The following LEF1 variants were observed in gnomAD, a reference collection of about 807,000 sequenced individuals.
The protein encoded by LEF1 is lymphoid enhancer-binding factor 1.
In LEF1, 14 loss-of-function variants were observed where a neutral mutation model predicts 51.2. That is an observed-to-expected ratio of 0.27 (90% CI 0.18 to 0.43). LEF1 has a LOEUF of 0.43. LEF1 is among the 20% of genes least tolerant of loss of function. LEF1 has a pLI of 1.00. For synonymous variants in LEF1, 185 were observed against 183.2 expected, an observed-to-expected ratio of 1.01 and a Z score of -0.08; for missense variants, 386 against 512.0, an observed-to-expected ratio of 0.75 and a Z score of 2.37.
intron 3 of LEF1, among the ~76,000 whole-genome samples, chr4:108,138,554 A>C (rs1419309212): frequency 6.6e-6 from 1 of 152,154 alleles, no homozygotes; most frequent in Admixed American, 6.5e-5. Flanking sequence ...CTTACCTAGC[A>C]TATACATTTC....
rs1358851792 is a variant in LEF1, at chr4:108,151,482, CT to C, written c.414+12085del. On this transcript the variant is annotated intron_variant, in intron 3 of 11. Transcript: ENST00000265165. The stretch of plus-strand genomic sequence containing the variant: ...AAGTACCCTGCTGTGAGAGTGAAGA[CT>C]TGAGCCTCAATCTGGTACCACTACT... Among the ~76,000 whole-genome samples the C allele has an allele frequency of 2.6e-5, 4 of 152,286 alleles. No individual in the cohort carries two copies. The East Asian group carries it at 7.7e-4, about 29-fold the overall frequency.
chr4:108,135,791 T>C (rs1743227581), intron 3 of LEF1, among the ~76,000 whole-genome samples: 1 of 152,176 alleles, frequency 6.6e-6, no homozygotes, highest in South Asian at 2.1e-4. Flanking sequence ...AATTATCCAC[T>C]GTGAGTCCTT....
At chr4:108,150,670 A>G (rs1744314257) in intron 3 of LEF1, among the ~76,000 whole-genome samples, 1 of 152,198 alleles carries the variant, frequency 6.6e-6, no homozygotes, top group African/African-American at 2.4e-5. Flanking sequence ...TCCTGAAAAT[A>G]CCTGACTTTG....
intron 3 of LEF1, among the ~76,000 whole-genome samples, chr4:108,115,633 TGTAGAA>T (rs1741786217): frequency 6.6e-6 from 1 of 152,168 alleles, no homozygotes; most frequent in Non-Finnish European, 1.5e-5. Context: ...TAGCTGCTGC[TGTAGAA>T]ATAGATAAGA....
At chr4:108,116,215 C>G (rs902294378) in intron 3 of LEF1, among the ~76,000 whole-genome samples, 6 of 152,028 alleles carry the variant, frequency 3.9e-5, no homozygotes, top group South Asian at 2.1e-4. Flanking sequence ...GAAAGAGAAA[C>G]AGTAAGCAAG....
At chr4:108,161,469 A>C (rs1745049955) in intron 3 of LEF1, among the ~76,000 whole-genome samples, 1 of 152,216 alleles carries the variant, frequency 6.6e-6, no homozygotes, top group African/African-American at 2.4e-5. Flanking sequence ...CTGGCCACAA[A>C]TCTTTCCTAA....
At chr4:108,145,571 G>A (rs1198581625) in intron 3 of LEF1, among the ~76,000 whole-genome samples, 2 of 152,080 alleles carry the variant, frequency 1.3e-5, no homozygotes, top group Non-Finnish European at 2.9e-5. Context: ...CTCTCAATAT[G>A]GATTAAATCA....
At chr4:108,164,134 G>T (rs1745242245) in intron 2 of LEF1, among the ~76,000 whole-genome samples, 1 of 151,804 alleles carries the variant, frequency 6.6e-6, no homozygotes, top group Admixed American at 6.6e-5. Flanking sequence ...CAAACTCAAA[G>T]ATTCTACCTG....
At chr4:108,082,459 G>A (rs561676330) in intron 5 of LEF1, among the ~76,000 whole-genome samples, 4 of 152,262 alleles carry the variant, frequency 2.6e-5, no homozygotes, top group African/African-American at 7.2e-5. Flanking sequence ...ATTGTCCATG[G>A]CAGGATGACC....
chr4:108,113,302 A>G (rs1741639110), intron 3 of LEF1, among the ~76,000 whole-genome samples: 1 of 152,220 alleles, frequency 6.6e-6, no homozygotes, highest in Non-Finnish European at 1.5e-5. Context: ...AGTTGCTGCC[A>G]GGGGCATGTG....
intron 11 of LEF1, among the ~76,000 whole-genome samples, chr4:108,051,242 C>T (rs1736970356): frequency 6.6e-6 from 1 of 152,062 alleles, no homozygotes; most frequent in African/African-American, 2.4e-5. Context: ...CAACTAATCC[C>T]TTTCAGGGAC....
intron 3 of LEF1, among the ~76,000 whole-genome samples, chr4:108,106,635 G>A (rs1283663562): frequency 3.3e-5 from 5 of 152,174 alleles, no homozygotes; most frequent in Non-Finnish European, 7.4e-5. Context: ...TCATCGGGCT[G>A]CAAAGTGGTA....
intron 3 of LEF1, among the ~76,000 whole-genome samples, chr4:108,145,168 T>A (rs1483699127): frequency 6.6e-6 from 1 of 152,198 alleles, no homozygotes. Flanking sequence ...ATATTTAACA[T>A]ACAAATTGCC....
intron 3 of LEF1, among the ~76,000 whole-genome samples, chr4:108,107,007 A>G (rs933640202): frequency 6.6e-6 from 1 of 152,234 alleles, no homozygotes; most frequent in Non-Finnish European, 1.5e-5. Context: ...AGAGTCCAAC[A>G]GCTGGCTGGT....
chr4:108,078,393 G>A lies in LEF1; in HGVS notation c.846-11C>T, dbSNP rs143424997. ...TCATGCTGAGGCTTCCTAAAAGGTG[G>A]TGGTGGTGGTGGTTAGGGGAAGGGG... On this transcript the variant is annotated splice_polypyrimidine_tract_variant and intron_variant, in intron 7 of 11. Transcript: ENST00000265165. 5 of 1,614,068 alleles carry A rather than the reference G, an allele frequency of 3.1e-6. No individual in the cohort carries two copies. Among genetic ancestry groups the A allele is most frequent in the African/African-American group, 1.3e-5 (1 of 75,014 alleles).
intron 11 of LEF1, 119 bp from the exon 12 acceptor site, chr4:108,048,870 T>A: frequency 1.6e-6 from 1 of 620,612 alleles, no homozygotes; most frequent in Non-Finnish European, 2.5e-6. Context: ...TCCATTTTGT[T>A]AATTTGGGGA....
intron 3 of LEF1, among the ~76,000 whole-genome samples, chr4:108,128,381 C>T (rs1412053948): frequency 6.6e-6 from 1 of 151,796 alleles, no homozygotes; most frequent in Non-Finnish European, 1.5e-5. Flanking sequence ...TCAATGATTA[C>T]AACATAAACA....
intron 3 of LEF1, among the ~76,000 whole-genome samples, chr4:108,104,489 A>T (rs944418815): frequency 1.4e-5 from 2 of 147,274 alleles, no homozygotes; most frequent in Non-Finnish European, 3.0e-5. Context: ...ATATATATAA[A>T]TTATTATATA....
At chr4:108,141,143 C>T (rs1292844034) in intron 3 of LEF1, among the ~76,000 whole-genome samples, 2 of 152,184 alleles carry the variant, frequency 1.3e-5, no homozygotes, top group Non-Finnish European at 2.9e-5. Context: ...AATTCACTTT[C>T]CTTCTCTCTT....
Sources: allele counts gnomAD v4.1 joint callset (sites outside exome capture counted in the v4.1 genomes callset), GRCh38; gene constraint gnomAD v4.1.1; transcripts MANE v1.5; gene names NCBI Gene and HGNC (gene_info 2026-07-23, HGNC 2026-07-21).